The following KRT34 variants were observed in gnomAD, a reference collection of about 807,000 sequenced individuals.
KRT34 encodes the protein keratin 34.
KRT34 carries 31 observed loss-of-function variants against 41.7 expected under a neutral mutation model. That is an observed-to-expected ratio of 0.74 (90% CI 0.56 to 1.00). The LOEUF (loss-of-function observed/expected upper bound fraction) is 1.00, where lower values mean the gene tolerates loss of function less well. Among genes scored for constraint, KRT34 ranks in the 50% least tolerant of loss-of-function variants. The probability of loss-of-function intolerance (pLI) is 0.00; values close to 1 mark genes in which losing one functional copy is unlikely to be tolerated. For synonymous variants in KRT34, 224 were observed against 212.9 expected, an observed-to-expected ratio of 1.05 and a Z score of -0.45; for missense variants, 523 against 500.3, an observed-to-expected ratio of 1.05 and a Z score of -0.43.
intron 3 of KRT34, among the ~76,000 whole-genome samples, chr17:41,380,475 A>T (rs916495546): frequency 1.7e-4 from 26 of 152,172 alleles, no homozygotes; most frequent in Admixed American, 1.1e-3. Flanking sequence ...GAGGTACTGC[A>T]TGCCCAGCCA....
chr17:41,381,873 GC>G (rs762604171), intron 1 of KRT34, 25 bp downstream of exon 1: 42 of 1,612,828 alleles, frequency 2.6e-5, no homozygotes, highest in Non-Finnish European at 3.3e-5. Context: ...GCTGCTGCTG[GC>G]CCCCCATATG....
At position 41,381,047 on chromosome 17, in the gene KRT34, G is replaced by A. The variant is rs374672171; in HGVS notation, c.588+9C>T. 4.3e-4 allele frequency: 690 copies of A among 1,613,604 alleles called. No individual in the cohort carries two copies. The highest frequency in any genetic ancestry group is 5.4e-4 in the Non-Finnish European group (632 of 1,179,822). ...TTCTGAGGCCTGCTTTTGTGAATTT[G>A]TTTCATACCTCCTCATGGTTCTTCT... is the stretch of plus-strand genomic sequence containing the variant. On this transcript the variant is annotated intron_variant, in intron 3 of 6. Transcript: ENST00000394001.
intron 6 of KRT34, among the ~76,000 whole-genome samples, 180 bp from the exon 7 acceptor site, chr17:41,378,326 T>C (rs1000543844): frequency 6.6e-6 from 1 of 152,176 alleles, no homozygotes; most frequent in African/African-American, 2.4e-5. Flanking sequence ...TAGGCTGGAG[T>C]GCAGTGGTGC....
intron 6 of KRT34, among the ~76,000 whole-genome samples, chr17:41,378,734 C>T (rs535647476): frequency 1.3e-5 from 2 of 152,352 alleles, no homozygotes; most frequent in East Asian, 3.9e-4. Flanking sequence ...GTTATTCCTA[C>T]AACTGGCCAG....
At position 41,379,485 on chromosome 17, in the gene KRT34, C is replaced by A. The variant is rs1435889166; in HGVS notation, c.751-7G>T. The stretch of plus-strand genomic sequence containing the variant: ...GCTTGTTCAGCTCCTCGGTCTGAAA[C>A]ACCCAAGTGGGGAAAGGATCAGACC... On this transcript the variant is annotated splice_region_variant and splice_polypyrimidine_tract_variant and intron_variant, in intron 4 of 6. Coordinates refer to ENST00000394001, the MANE Select transcript of KRT34 (RefSeq NM_001386014.1). The A allele has an allele frequency of 6.2e-7, 1 of 1,614,230 alleles. No homozygotes were observed. Among genetic ancestry groups the A allele is most frequent in the South Asian group, 1.1e-5 (1 of 91,090 alleles).
chr17:41,382,404 T>C (rs2018014046), upstream of KRT34: 1 of 1,555,410 alleles, frequency 6.4e-7, no homozygotes, highest in South Asian at 1.2e-5. Flanking sequence ...AGCTAATTTT[T>C]CTCCAAAATA....
At chr17:41,378,459 T>G (rs1309727728) in intron 6 of KRT34, among the ~76,000 whole-genome samples, 2 of 152,108 alleles carry the variant, frequency 1.3e-5, no homozygotes, top group African/African-American at 2.4e-5. Context: ...CTGGCTAATT[T>G]TTTGTATTTT....
At chr17:41,383,463 G>C (rs963379425), upstream of KRT34, among the ~76,000 whole-genome samples, 2 of 152,110 alleles carry the variant, frequency 1.3e-5, no homozygotes, top group African/African-American at 4.8e-5. Context: ...TTGCCAACTT[G>C]TACTAAAGCA....
rs116116504 is a variant in KRT34, at chr17:41,378,114, G to C, written c.1130C>G (p.Ala377Gly). ...LPCNPCATTN[A>G]SGNSCGPCGT... is the part of the protein sequence containing the mutation. ...ACAGGGTCCACAGGAGTTGCCACTA[G>C]CATTGGTGGTGGCGCATGGGTTGCA... The change falls in exon 7 of 7, where the codon GCT (alanine) becomes GGT (glycine). Residue 377 changes from alanine (A) to glycine (G), a missense_variant. Coordinates refer to ENST00000394001, the MANE Select transcript of KRT34 (RefSeq NM_001386014.1). The C allele has an allele frequency of 1.1e-5, 18 of 1,613,660 alleles. No homozygotes were observed. The highest frequency in any genetic ancestry group is 1.5e-5 in the Non-Finnish European group (18 of 1,179,742).
rs2017919968 is a variant in KRT34 at position 41,379,282 on chromosome 17, C to A, written c.876+71G>T. ...TCCAAGAGCTAAGGAGAGTGTGTGG[C>A]CCCAAGCACATCCCCGGGACTCTGC... On this transcript the variant is annotated intron_variant, in intron 5 of 6. Coordinates refer to ENST00000394001, the MANE Select transcript of KRT34 (RefSeq NM_001386014.1). 6 of 1,610,444 alleles carry A rather than the reference C, an allele frequency of 3.7e-6. No homozygotes were observed. In the East Asian group the frequency reaches 8.9e-5, roughly 24 times the overall value.
chr17:41,378,795 C>A (rs2017902788), intron 6 of KRT34, among the ~76,000 whole-genome samples, 161 bp downstream of exon 6: 1 of 152,236 alleles, frequency 6.6e-6, no homozygotes, highest in South Asian at 2.1e-4. Flanking sequence ...GGGCTGTTCC[C>A]TTACCTTTGG....
intron 3 of KRT34, 108 bp from the exon 4 acceptor site, chr17:41,379,839 G>C (rs2144326976): frequency 8.5e-7 from 1 of 1,175,238 alleles, no homozygotes; most frequent in East Asian, 2.5e-5. Flanking sequence ...GGAATATTCT[G>C]ATCATTCCCA....
intron 6 of KRT34, 48 bp downstream of exon 6, chr17:41,378,908 T>C: frequency 6.2e-7 from 1 of 1,609,510 alleles, no homozygotes; most frequent in Non-Finnish European, 8.5e-7. Context: ...GTGCCTACAA[T>C]ATCCCACTGT....
chr17:41,382,898 A>G (rs2018024500), upstream of KRT34, among the ~76,000 whole-genome samples: 1 of 152,252 alleles, frequency 6.6e-6, no homozygotes, highest in South Asian at 2.1e-4. Flanking sequence ...GAAATGAGAA[A>G]GTAAAATGGA....
At position 41,379,161 on chromosome 17, in the gene KRT34, T is replaced by A. The variant is rs774150701; in HGVS notation, c.892A>T (p.Asn298Tyr). The A allele has an allele frequency of 6.2e-7, 1 of 1,614,226 alleles. No homozygotes were observed. The highest frequency in any genetic ancestry group is 1.7e-5 in the Admixed American group (1 of 60,030). ...TGGGCCTCGCTCTCCGTCAGCGTGTTTTCCAGAGAGTCTCGCTGTGGTGGG... is the reference window on the plus strand; with the variant it reads ...TGGGCCTCGCTCTCCGTCAGCGTGTATTCCAGAGAGTCTCGCTGTGGTGGG... ...AQHNLRDSLE[N>Y]TLTESEAHYS... The change falls in exon 6 of 7, where the codon AAC becomes TAC. Residue 298 changes from asparagine (N) to tyrosine (Y), a missense_variant. By Grantham distance (143) the Asn-to-Tyr change is moderately radical. Coordinates refer to ENST00000394001, the MANE Select transcript of KRT34 (RefSeq NM_001386014.1).
rs765270303 is a variant in KRT34 at position 41,379,075 on chromosome 17, T to C, written c.978A>G (p.Ala326=). 62 of 1,613,982 alleles carry C rather than the reference T, an allele frequency of 3.8e-5. 1 individual carries two copies. The Middle Eastern group carries it at 9.9e-4, about 26-fold the overall frequency. Residue 326 remains alanine, a synonymous_variant, in exon 6 of 7, where the codon GCA becomes GCG. Coordinates refer to ENST00000394001, the MANE Select transcript of KRT34 (RefSeq NM_001386014.1). The part of the protein sequence containing the change: ...SLITNVESQL[A]EIRCDLERQN... ...GCCGCTCCAGGTCACAGCGGATCTC[T>C]GCCAGCTGAGACTCCACGTTGGTGA...
In KRT34 at chr17:41,382,136, G is replaced by T; in HGVS notation, c.111C>A (p.Ile37=). 1.2e-6 allele frequency: 2 copies of T among 1,612,458 alleles called. No individual in the cohort carries two copies. The highest frequency in any genetic ancestry group is 1.7e-6 in the Non-Finnish European group (2 of 1,180,042). The part of the protein sequence containing the change: ...HGYTLPGACN[I]PANVSNCNWF... ...AGTTGCAGTTGCTCACATTGGCGGG[G>T]ATGTTGCAGGCCCCAGGCAGGGTGT... The change falls in exon 1 of 7, where the codon ATC becomes ATA. Residue 37 remains isoleucine (I), a synonymous_variant. Transcript: ENST00000394001.
chr17:41,382,004 G>A lies in KRT34; in HGVS notation c.243C>T (p.Asn81=), dbSNP rs755092027. 27 of 1,614,146 alleles carry A rather than the reference G, an allele frequency of 1.7e-5. No individual in the cohort carries two copies. Among genetic ancestry groups the A allele is most frequent in the Middle Eastern group, 3.3e-4 (2 of 6,070 alleles). The change falls in exon 1 of 7, where the codon AAC becomes AAT. Residue 81 remains asparagine, a synonymous_variant. Coordinates refer to ENST00000394001, the MANE Select transcript of KRT34 (RefSeq NM_001386014.1). ...CCTGGATGAGTTTCTCCAGCTCCGC[G>A]TTGTCCCGCTCCAGCTGACGCACCT... is the stretch of plus-strand genomic sequence containing the variant. ...LEKVRQLERD[N]AELEKLIQER... is the part of the protein sequence containing the mutation.
At position 41,377,908 on chromosome 17, in the gene KRT34, C is replaced by G; in HGVS notation, c.*151G>C. 1.6e-6 allele frequency: 1 copy of G among 611,086 alleles called. No homozygotes were observed. The highest frequency in any genetic ancestry group is 2.1e-5 in the South Asian group (1 of 48,024). The allele number at this position is 611,086 out of a possible 1,614,324, so 37.9% of individuals were successfully genotyped here. On this transcript the variant is annotated 3_prime_UTR_variant, in exon 7 of 7. Transcript: ENST00000394001. Reference sequence around the variant, plus strand: ...TGATGATGTGTGTCTTTGCTTGGGTCAGGAAAGCTTTTCAGCATTCTAGAA... The same window carrying G: ...TGATGATGTGTGTCTTTGCTTGGGTGAGGAAAGCTTTTCAGCATTCTAGAA...
Sources: gnomAD v4.1 joint callset for allele counts (sites outside exome capture counted in the v4.1 genomes callset) on GRCh38, gnomAD v4.1.1 for gene constraint, MANE v1.5 for transcripts, NCBI Gene and HGNC (gene_info 2026-07-23, HGNC 2026-07-21) for gene names.